CLSTN3: variants seen among roughly 807,000 people sequenced by gnomAD.
CLSTN3 encodes the protein calsyntenin-3.
Under a neutral mutation model 95.9 loss-of-function variants are expected in CLSTN3, and 36 were observed. That is an observed-to-expected ratio of 0.38 (90% CI 0.29 to 0.50). The LOEUF (loss-of-function observed/expected upper bound fraction) is 0.50. CLSTN3 is among the 20% of genes least tolerant of loss of function. The pLI is 0.95. For synonymous variants in CLSTN3, 481 were observed against 504.0 expected (o/e 0.95, Z 0.61); for missense variants, 1,084 against 1,268.8 (o/e 0.85, Z 2.21).
chr12:7,146,245 A>G (rs1183534851), intron 12 of CLSTN3, among the ~76,000 whole-genome samples: 1 of 152,108 alleles, frequency 6.6e-6, no homozygotes, highest in Non-Finnish European at 1.5e-5. Context: ...GAAGTTCGAG[A>G]CCAGCCTGCA....
At chr12:7,134,965 G>C (rs921094408) in intron 3 of CLSTN3, among the ~76,000 whole-genome samples, 63 of 152,128 alleles carry the variant, frequency 4.1e-4, no homozygotes, top group African/African-American at 1.5e-3. Flanking sequence ...GGGGAGGAGC[G>C]TGCTGACTGC....
Position 7,158,048 on chromosome 12 carries a change from A to G in CLSTN3, c.2838A>G (p.Arg946=), listed in dbSNP as rs1312686856. 1 of 1,546,502 alleles carries G rather than the reference A, an allele frequency of 6.5e-7. No homozygotes were observed. Among genetic ancestry groups the G allele is most frequent in the East Asian group, 2.4e-5 (1 of 40,830 alleles). Residue 946 remains arginine, a synonymous_variant, in exon 18 of 18, where the codon AGA becomes AGG. Coordinates refer to ENST00000266546, the MANE Select transcript of CLSTN3 (RefSeq NM_014718.4). ...CCGATTCCCCCAGCAGCGACGAGAG[A>G]CGCATCATCGAGACCCCCCCACACC... ...EVADSPSSDE[R]RIIETPPHRY is the part of the protein sequence containing the mutation.
Position 7,151,048 on chromosome 12 carries a change from T to C in CLSTN3, c.2512T>C (p.Ser838Pro). Reference protein sequence around the residue: ...PEMAGHSLASSHRNSMIPSAA... With the variant: ...PEMAGHSLASPHRNSMIPSAA... ...GATGGCTGGACACAGCCTAGCCAGC[T>C]CCCACAGAAACTCCAGTACGTAAGC... Residue 838 changes from serine to proline, a missense_variant, in exon 16 of 18, where the codon TCC (serine) becomes CCC (proline). Transcript: ENST00000266546. 6.2e-7 allele frequency: 1 copy of C among 1,603,080 alleles called. No homozygotes were observed. Among genetic ancestry groups the C allele is most frequent in the Non-Finnish European group, 8.5e-7 (1 of 1,174,370 alleles).
rs1308060344 is a variant in CLSTN3 at position 7,135,497 on chromosome 12, T to G, written c.554T>G (p.Ile185Ser). The G allele has an allele frequency of 6.2e-7, 1 of 1,613,900 alleles. No individual in the cohort carries two copies. Among genetic ancestry groups the G allele is most frequent in the African/African-American group, 1.3e-5 (1 of 74,850 alleles). Residue 185 changes from isoleucine to serine, a missense_variant, in exon 4 of 18, where the codon ATT (isoleucine) becomes AGT (serine). Physicochemically the swap from Ile to Ser is moderately radical, Grantham distance 142. Coordinates refer to ENST00000266546, the MANE Select transcript of CLSTN3 (RefSeq NM_014718.4). ...PQYSQICYYEILTPNTPFLID... is the reference protein window; with the variant it reads ...PQYSQICYYESLTPNTPFLID... ...TACAGCCAGATCTGCTACTATGAGATTCTCACACCCAACACCCCTTTCCTC... is the reference window on the plus strand; with the variant it reads ...TACAGCCAGATCTGCTACTATGAGAGTCTCACACCCAACACCCCTTTCCTC...
chr12:7,145,085 G>A (rs1003761881), intron 12 of CLSTN3, among the ~76,000 whole-genome samples: 2 of 152,196 alleles, frequency 1.3e-5, no homozygotes, highest in Non-Finnish European at 2.9e-5. Context: ...TTGGCCTAGG[G>A]TGGAGCTCTG....
chr12:7,131,221 T>C (rs1226163632), intron 1 of CLSTN3: 1 of 222,462 alleles, frequency 4.5e-6, no homozygotes, highest in Non-Finnish European at 9.1e-6. Context: ...TTCAGACCCT[T>C]TTGCCTGCAT....
chr12:7,136,469 T>TGGAA, intron 6 of CLSTN3, 78 bp downstream of exon 6: 1 of 1,338,004 alleles, frequency 7.5e-7, no homozygotes, highest in East Asian at 2.5e-5. Flanking sequence ...AGACTCTGCT[T>TGGAA]TACATCACCA....
At position 7,133,082 on chromosome 12, in the gene CLSTN3, C is replaced by A. The variant is rs751452822; in HGVS notation, c.123C>A (p.Asp41Glu). The A allele has an allele frequency of 6.2e-7, 1 of 1,613,950 alleles. No individual in the cohort carries two copies. Among genetic ancestry groups the A allele is most frequent in the Non-Finnish European group, 8.5e-7 (1 of 1,180,006 alleles). ...AEYQGIVMEN[D>E]NTVLLNPPLF... ...ACCAGGGCATCGTCATGGAGAATGACAACACGGTCCTACTGAATCCACCAC... is the reference window on the plus strand; with the variant it reads ...ACCAGGGCATCGTCATGGAGAATGAAAACACGGTCCTACTGAATCCACCAC... The change falls in exon 2 of 18, where the codon GAC becomes GAA. Residue 41 changes from aspartate to glutamate, a missense_variant. By Grantham distance (45) the Asp-to-Glu change is conservative. Coordinates refer to ENST00000266546, the MANE Select transcript of CLSTN3 (RefSeq NM_014718.4). This position sits in a 1 kb window ranked among gnomAD's most constrained non-coding sequence, Gnocchi z 4.7.
At chr12:7,129,505 G>A (rs1416047652), upstream of CLSTN3, 1 of 543,140 alleles carries the variant, frequency 1.8e-6, no homozygotes, top group Non-Finnish European at 2.3e-6. This position sits in a 1 kb window ranked among gnomAD's most constrained non-coding sequence, Gnocchi z 5.5. Flanking sequence ...AGCCTGAGAG[G>A]AGTTTGTTGG....
Position 7,141,472 on chromosome 12 carries a change from G to A in CLSTN3, c.1486+68G>A. The A allele has an allele frequency of 4.5e-6, 7 of 1,568,342 alleles. No homozygotes were observed. Among genetic ancestry groups the A allele is most frequent in the Non-Finnish European group, 6.1e-6 (7 of 1,139,926 alleles). On this transcript the variant is annotated intron_variant, in intron 9 of 17. Transcript: ENST00000266546. The surrounding 1 kb of genome is among the most constrained non-coding windows in gnomAD (Gnocchi z 4.1). ...AGGGAGGTAGGCTGGTGAGGAGCAAGGGCAGTCTGACCCAGCAGCTGAGGC... is the reference window on the plus strand; with the variant it reads ...AGGGAGGTAGGCTGGTGAGGAGCAAAGGCAGTCTGACCCAGCAGCTGAGGC...
chr12:7,130,315 C>CG, upstream of CLSTN3: 1 of 992,616 alleles, frequency 1.0e-6, no homozygotes, highest in South Asian at 1.9e-5. Context: ...CCCCCCCCTC[C>CG]CAGTCACCTG....
chr12:7,151,173 T>C, intron 16 of CLSTN3, 110 bp downstream of exon 16: 1 of 1,294,048 alleles, frequency 7.7e-7, no homozygotes, highest in Non-Finnish European at 1.0e-6. Context: ...GGTGGAGCAA[T>C]GGGTTCTGTT....
At chr12:7,145,347 GT>G (rs1462181523) in intron 12 of CLSTN3, among the ~76,000 whole-genome samples, 6 of 1,108 alleles carry the variant, frequency 5.4e-3, no homozygotes, top group East Asian at 0.5. Context: ...ATATAGAGGG[GT>G]GTGTGTGTGT....
At chr12:7,156,573 C>T (rs1939820556) in intron 16 of CLSTN3, 2 of 456,672 alleles carry the variant, frequency 4.4e-6, no homozygotes, top group Non-Finnish European at 4.4e-6. Flanking sequence ...CTGGTGTGGG[C>T]CAGCATGCAG....
chr12:7,134,199 G>A (rs1939361359), intron 3 of CLSTN3, among the ~76,000 whole-genome samples: 1 of 152,174 alleles, frequency 6.6e-6, no homozygotes, highest in Admixed American at 6.5e-5. Context: ...GGAAGAGGAT[G>A]AACACACTCA....
At position 7,150,766 on chromosome 12, in the gene CLSTN3, A is replaced by T; in HGVS notation, c.2391+77A>T. The T allele has an allele frequency of 6.3e-7, 1 of 1,582,554 alleles. No homozygotes were observed. Among genetic ancestry groups the T allele is most frequent in the Non-Finnish European group, 8.6e-7 (1 of 1,157,890 alleles). ...TGAGGTGGCATGGACTCAAAATGTT[A>T]GTTGGTGGGCATGGACATGGCAGCG... is the stretch of plus-strand genomic sequence containing the variant. On this transcript the variant is annotated intron_variant, in intron 15 of 17. Coordinates refer to ENST00000266546, the MANE Select transcript of CLSTN3 (RefSeq NM_014718.4). This position sits in a 1 kb window ranked among gnomAD's most constrained non-coding sequence, Gnocchi z 4.0.
chr12:7,157,783 G>A lies in CLSTN3; in HGVS notation c.2730+92G>A. ...TGAGGAGGGGCAGGCCTGGGTGGAG[G>A]CTGTTCGCAGAGCTGCAGTGAGCCG... On this transcript the variant is annotated intron_variant, in intron 17 of 17. Transcript: ENST00000266546. The surrounding 1 kb of genome is among the most constrained non-coding windows in gnomAD (Gnocchi z 5.9). The A allele has an allele frequency of 6.7e-7, 1 of 1,497,652 alleles. No homozygotes were observed. The highest frequency in any genetic ancestry group is 9.0e-7 in the Non-Finnish European group (1 of 1,110,562). 92.8% of individuals were successfully genotyped at this position (1,497,652 alleles called of 1,614,324 possible).
rs754988397 is a variant in CLSTN3 at position 7,137,947 on chromosome 12, G to T, written c.1211-8G>T. 3.1e-6 allele frequency: 5 copies of T among 1,610,888 alleles called. No homozygotes were observed. The African/African-American group carries it at 4.0e-5, about 13-fold the overall frequency. ...GCACTTGACCCCATCCCCTTCCTGTGCCCTCAGAGGACGGCTTCTCTCACT... is the reference window on the plus strand; with the variant it reads ...GCACTTGACCCCATCCCCTTCCTGTTCCCTCAGAGGACGGCTTCTCTCACT... On this transcript the variant is annotated splice_region_variant and splice_polypyrimidine_tract_variant and intron_variant, in intron 7 of 17. Coordinates refer to ENST00000266546, the MANE Select transcript of CLSTN3 (RefSeq NM_014718.4). The surrounding 1 kb of genome is among the most constrained non-coding windows in gnomAD (Gnocchi z 4.4).
chr12:7,144,232 CA>C (rs754358387), intron 12 of CLSTN3, among the ~76,000 whole-genome samples: 22,289 of 70,002 alleles, frequency 0.32, 916 homozygotes, highest in Middle Eastern at 0.4. Context: ...GACTCCATCT[CA>C]AAAAAAAAAA....
Sources: gnomAD v4.1 joint callset for allele counts (sites outside exome capture counted in the v4.1 genomes callset) on GRCh38, gnomAD v4.1.1 for gene constraint, Gnocchi (gnomAD v3.1) non-coding constraint, MANE v1.5 for transcripts, NCBI Gene and HGNC (gene_info 2026-07-23, HGNC 2026-07-21) for gene names.